DMPK: variants seen among roughly 807,000 people sequenced by gnomAD.
DMPK encodes DM1 protein kinase, also known as myotonin-protein kinase.
In DMPK, 32 loss-of-function variants were observed where a neutral mutation model predicts 70.3. That is an observed-to-expected ratio of 0.46 (90% confidence interval 0.34 to 0.61). The LOEUF (loss-of-function observed/expected upper bound fraction) is 0.61, where lower values mean the gene tolerates loss of function less well. Among genes scored for constraint, DMPK ranks in the 20% least tolerant of loss-of-function variants. DMPK has a pLI of 0.01. For synonymous variants in DMPK, 469 were observed against 390.9 expected (o/e 1.20, Z -2.36); for missense variants, 899 against 886.0 (o/e 1.01, Z -0.19).
rs1969307650 is a variant in DMPK, at chr19:45,770,386, C to T, written c.*102G>A. ...CTGGAGCTGGGCGGAGACCCACGCTCGGAGCGGTTGTGAACTGGCAGGCGG... is the reference window on the plus strand; with the variant it reads ...CTGGAGCTGGGCGGAGACCCACGCTTGGAGCGGTTGTGAACTGGCAGGCGG... On this transcript the variant is annotated 3_prime_UTR_variant, in exon 15 of 15. Transcript: ENST00000291270. The T allele has an allele frequency of 2.1e-6, 3 of 1,420,356 alleles. No homozygotes were observed. The highest frequency in any genetic ancestry group is 2.5e-5 in the South Asian group (2 of 80,986). 88.0% of individuals were successfully genotyped at this position (1,420,356 alleles called of 1,614,324 possible).
Position 45,770,278 on chromosome 19 carries a change from A to G in DMPK, c.*210T>C, listed in dbSNP as rs1286175552. 9 of 741,634 alleles carry G rather than the reference A, an allele frequency of 1.2e-5. 1 individual carries two copies. Among genetic ancestry groups the G allele is most frequent in the Non-Finnish European group, 1.7e-5 (8 of 459,650 alleles). The allele number at this position is 741,634 out of a possible 1,614,324, so 45.9% of individuals were successfully genotyped here. ...CAGCAGCAGCAGCATTCCCGGCTACAAGGACCCTTCGAGCCCCGTTCGCCG... is the reference window on the plus strand; with the variant it reads ...CAGCAGCAGCAGCATTCCCGGCTACGAGGACCCTTCGAGCCCCGTTCGCCG... On this transcript the variant is annotated 3_prime_UTR_variant, in exon 15 of 15. Transcript: ENST00000291270.
At chr19:45,774,854 G>A in intron 9 of DMPK, 95 bp downstream of exon 9, 2 of 989,534 alleles carry the variant, frequency 2.0e-6, no homozygotes, top group Non-Finnish European at 3.2e-6. Context: ...AAGGTTCCAA[G>A]ACTGATCCTG....
At chr19:45,773,525 T>C (rs891986568) in intron 9 of DMPK, among the ~76,000 whole-genome samples, 1 of 152,224 alleles carries the variant, frequency 6.6e-6, no homozygotes, top group East Asian at 1.9e-4. Context: ...TTCTCCACTA[T>C]TTAAACATGT....
At position 45,779,682 on chromosome 19, in the gene DMPK, T is replaced by A. The variant is rs1970007022; in HGVS notation, c.252+96A>T. The A allele has an allele frequency of 2.0e-6, 3 of 1,535,546 alleles. No homozygotes were observed. The Admixed American group carries it at 6.0e-5, about 30-fold the overall frequency. On this transcript the variant is annotated intron_variant, in intron 2 of 14. Coordinates refer to ENST00000291270, the MANE Select transcript of DMPK (RefSeq NM_004409.5). The stretch of plus-strand genomic sequence containing the variant: ...CCGCCTCCAGCCCAGCCCTAGGTTC[T>A]AAGGCTCGGTCATTCATCAATTTCT...
Position 45,771,956 on chromosome 19 carries a change from G to A in DMPK, c.1345-28C>T, listed in dbSNP as rs374509696. On this transcript the variant is annotated intron_variant, in intron 10 of 14. Coordinates refer to ENST00000291270, the MANE Select transcript of DMPK (RefSeq NM_004409.5). ...GTGTATGGGGACCAGGCTTAAGGCT[G>A]CCTGTGGCTCCTGGAAGACTCAGGA... is the stretch of plus-strand genomic sequence containing the variant. 1.5e-5 allele frequency: 23 copies of A among 1,538,584 alleles called. No homozygotes were observed. The African/African-American group carries it at 2.3e-4, about 16-fold the overall frequency.
At position 45,770,264 on chromosome 19, in the gene DMPK, G is replaced by GCAGCATCAT; in HGVS notation, c.*223_*224insATGATGCTG. 1.2e-6 allele frequency: 1 copy of GCAGCATCAT among 811,246 alleles called. No homozygotes were observed. Among genetic ancestry groups the GCAGCATCAT allele is most frequent in the Admixed American group, 2.2e-5 (1 of 46,352 alleles). 50.3% of individuals were successfully genotyped at this position (811,246 alleles called of 1,614,324 possible). A position where few individuals can be genotyped will look rare whatever the true frequency, so the allele number is the denominator to read the frequency against. ...AGCAGCAGCAGCAGCAGCAGCAGCA[G>GCAGCATCAT]CATTCCCGGCTACAAGGACCCTTCG... On this transcript the variant is annotated 3_prime_UTR_variant, in exon 15 of 15. Transcript: ENST00000291270.
chr19:45,771,302 T>C (rs1969420753), intron 13 of DMPK, 48 bp downstream of exon 13: 1 of 1,557,556 alleles, frequency 6.4e-7, no homozygotes, highest in Non-Finnish European at 8.7e-7. Context: ...GGAGGGGATC[T>C]GCAGAATGGG....
intron 9 of DMPK, among the ~76,000 whole-genome samples, chr19:45,773,916 T>C (rs1023243533): frequency 6.6e-6 from 1 of 151,936 alleles, no homozygotes; most frequent in Admixed American, 6.5e-5. Context: ...GTGCTGGGAT[T>C]CCAAGCGTGA....
chr19:45,774,269 T>TC (rs1287262967), intron 9 of DMPK, among the ~76,000 whole-genome samples: 1 of 147,934 alleles, frequency 6.8e-6, no homozygotes, highest in African/African-American at 2.5e-5. Flanking sequence ...ATACTTTTTT[T>TC]TTTTTTTTTT....
Position 45,777,180 on chromosome 19 carries a change from G to T in DMPK, c.1146+147C>A. ...TGGACTGTAAGTCTAGGTCACTGCT[G>T]GGTCCTCAGTAGTAGATGGGCACAG... is the stretch of plus-strand genomic sequence containing the variant. On this transcript the variant is annotated intron_variant, in intron 8 of 14. Transcript: ENST00000291270. This position sits in a 1 kb window ranked among gnomAD's most constrained non-coding sequence, Gnocchi z 6.7. 8.7e-7 allele frequency: 1 copy of T among 1,152,376 alleles called. No individual in the cohort carries two copies. 71.4% of individuals were successfully genotyped at this position (1,152,376 alleles called of 1,614,324 possible).
intron 1 of DMPK, chr19:45,780,177 A>AACACAC: frequency 6.9e-7 from 1 of 1,441,228 alleles, no homozygotes. Flanking sequence ...GACCCTAAAG[A>AACACAC]ACAAGGGGAG....
intron 4 of DMPK, 109 bp from the exon 5 acceptor site, chr19:45,778,750 G>A: frequency 8.5e-7 from 1 of 1,175,878 alleles, no homozygotes; most frequent in African/African-American, 1.5e-5. Flanking sequence ...GCAGAGACCT[G>A]CAGCCCCAGC....
chr19:45,770,203 CCCA>C lies in DMPK; in HGVS notation c.*282_*284del, dbSNP rs1279292059. 1.1e-5 allele frequency: 6 copies of C among 554,246 alleles called. No individual in the cohort carries two copies. Among genetic ancestry groups the C allele is most frequent in the Non-Finnish European group, 1.9e-5 (6 of 322,288 alleles). 34.3% of individuals were successfully genotyped at this position (554,246 alleles called of 1,614,324 possible). On this transcript the variant is annotated 3_prime_UTR_variant, in exon 15 of 15. Coordinates refer to ENST00000291270, the MANE Select transcript of DMPK (RefSeq NM_004409.5). ...AAAGAAAGAAATGGTCTGTGATCCC[CCCA>C]GCAGCAGCAGCAGCAGCAGCAGCAG...
chr19:45,770,434 C>T lies in DMPK; in HGVS notation c.*54G>A, dbSNP rs1486645856. On this transcript the variant is annotated 3_prime_UTR_variant, in exon 15 of 15. Coordinates refer to ENST00000291270, the MANE Select transcript of DMPK (RefSeq NM_004409.5). ...CGGTGGGCGCGGCTTCTGTGCCGTG[C>T]CCCGGGCACTCAGTCTTCCAACGGG... 18 of 1,542,660 alleles carry T rather than the reference C, an allele frequency of 1.2e-5. No homozygotes were observed. The Admixed American group carries it at 1.8e-4, about 15-fold the overall frequency.
intron 4 of DMPK, 80 bp downstream of exon 4, chr19:45,779,184 A>G (rs1969962221): frequency 6.9e-7 from 1 of 1,445,062 alleles, no homozygotes; most frequent in Non-Finnish European, 9.7e-7. Context: ...CCAATCCTAG[A>G]GCTTCCTCTC....
At chr19:45,780,277 T>TAG in intron 1 of DMPK, 1 of 1,526,072 alleles carries the variant, frequency 6.6e-7, no homozygotes, top group South Asian at 1.2e-5. Flanking sequence ...CGTTCTCATG[T>TAG]AGAATGTCCT....
Position 45,777,986 on chromosome 19 carries a change from A to T in DMPK, c.676-113T>A, listed in dbSNP as rs537756502. ...TTAGCCCCTCCCTCTGCCTGGTCTAATACTCCGCCACACAGATGCACACTT... is the reference window on the plus strand; with the variant it reads ...TTAGCCCCTCCCTCTGCCTGGTCTATTACTCCGCCACACAGATGCACACTT... On this transcript the variant is annotated intron_variant, in intron 6 of 14. Transcript: ENST00000291270. This position sits in a 1 kb window ranked among gnomAD's most constrained non-coding sequence, Gnocchi z 6.7. 4.8e-6 allele frequency: 6 copies of T among 1,245,108 alleles called. No homozygotes were observed. The African/African-American group carries it at 8.9e-5, about 19-fold the overall frequency. The allele number at this position is 1,245,108 out of a possible 1,614,324, so 77.1% of individuals were successfully genotyped here.
In DMPK at chr19:45,778,629, C is replaced by CCATG; in HGVS notation, c.441_444dup (p.Glu149HisfsTer113). The CCATG allele has an allele frequency of 6.2e-6, 10 of 1,613,712 alleles. No individual in the cohort carries two copies. Among genetic ancestry groups the CCATG allele is most frequent in the Non-Finnish European group, 8.5e-6 (10 of 1,179,960 alleles). On this transcript the variant is annotated frameshift_variant, in exon 5 of 15. Transcript: ENST00000291270. LOFTEE classifies it high-confidence loss of function. ...AGCAGGTCCCCGCCCACGTAATACT[C>CCATG]CATGACCAGGTACTGAGAAGGGGTT...
chr19:45,775,206 T>C (rs901124976), intron 8 of DMPK, 172 bp from the exon 9 acceptor site: 1 of 575,152 alleles, frequency 1.7e-6, no homozygotes. Context: ...CTCGCTCTGT[T>C]ACCCAGGCTG....
Sources: allele counts gnomAD v4.1 joint callset (sites outside exome capture counted in the v4.1 genomes callset), GRCh38; gene constraint gnomAD v4.1.1; non-coding constraint Gnocchi (gnomAD v3.1); transcripts MANE v1.5; gene names NCBI Gene and HGNC (gene_info 2026-07-23, HGNC 2026-07-21).